The following TECPR1 variants were observed in gnomAD, a reference collection of about 807,000 sequenced individuals.
The protein encoded by TECPR1 is tectonin beta-propeller repeat-containing protein 1.
Under a neutral mutation model 162.4 loss-of-function variants are expected in TECPR1, and 122 were observed. The observed-to-expected ratio is 0.75, with a 90% CI of 0.65 to 0.87. The LOEUF (loss-of-function observed/expected upper bound fraction) is 0.87. Among genes scored for constraint, TECPR1 ranks in the 40% least tolerant of loss-of-function variants. The probability of loss-of-function intolerance (pLI) is 0.00; values close to 1 mark genes in which losing one functional copy is unlikely to be tolerated. For missense variants in TECPR1, 1,432 were observed against 1,618.2 expected (o/e 0.88, Z 1.97); for synonymous variants, 642 against 670.6 (o/e 0.96, Z 0.66).
chr7:98,240,830 C>A, intron 8 of TECPR1, 21 bp downstream of exon 8: 2 of 1,576,284 alleles, frequency 1.3e-6, no homozygotes, highest in East Asian at 4.6e-5. Context: ...AAGTGATCCC[C>A]CAGCCTCATC....
chr7:98,238,144 G>C (rs1798646514), intron 9 of TECPR1, among the ~76,000 whole-genome samples: 1 of 152,146 alleles, frequency 6.6e-6, no homozygotes, highest in Admixed American at 6.5e-5. Context: ...AAAGGTTTCT[G>C]GGTAGGCATC....
intron 17 of TECPR1, among the ~76,000 whole-genome samples, chr7:98,225,525 G>C (rs113307155): frequency 0.01 from 1,457 of 145,496 alleles, 16 homozygotes; most frequent in African/African-American, 0.03. Context: ...CCTGGCGACA[G>C]AGCAAGACTT....
intron 6 of TECPR1, 118 bp downstream of exon 6, chr7:98,243,349 G>A (rs1798818068): frequency 5.0e-6 from 7 of 1,392,702 alleles, no homozygotes; most frequent in South Asian, 1.4e-5. Flanking sequence ...GCCAGGAGCA[G>A]GCATGGGGTG....
At chr7:98,230,605 G>C (rs1286855482) in intron 15 of TECPR1, among the ~76,000 whole-genome samples, 1 of 152,202 alleles carries the variant, frequency 6.6e-6, no homozygotes, top group Non-Finnish European at 1.5e-5. Context: ...AGGCGGCTGA[G>C]CACCGGGTCT....
intron 8 of TECPR1, among the ~76,000 whole-genome samples, chr7:98,239,034 T>C (rs1798677172): frequency 6.6e-6 from 1 of 152,268 alleles, no homozygotes; most frequent in African/African-American, 2.4e-5. Flanking sequence ...CTATTCTTAG[T>C]ACTTCAAGAA....
chr7:98,224,671 G>C (rs1377823477), intron 19 of TECPR1, 130 bp downstream of exon 19: 1 of 875,046 alleles, frequency 1.1e-6, no homozygotes, highest in African/African-American at 1.7e-5. Flanking sequence ...GCTGGCACCA[G>C]GGGTCTGCTC....
rs1584333487 is a variant in TECPR1, at chr7:98,229,561, G to A, written c.2283-395C>T. On this transcript the variant is annotated intron_variant, in intron 15 of 25. Transcript: ENST00000447648. ...GGTGCAGCCAGGCTTGAATGTCACA[G>A]AGCAGAGCCGGACATGACATCTAAT... 2.6e-5 allele frequency among the ~76,000 whole-genome samples: 4 copies of A among 152,330 alleles called. No homozygotes were observed. The South Asian group carries it at 8.3e-4, about 32-fold the overall frequency.
intron 16 of TECPR1, chr7:98,228,538 C>A (rs1250009884): frequency 4.3e-6 from 1 of 230,692 alleles, no homozygotes; most frequent in Admixed American, 4.8e-5. Flanking sequence ...TCATTCCTGC[C>A]TCACACACAG....
At position 98,215,803 on chromosome 7, in the gene TECPR1, T is replaced by A. The variant is rs542621460; in HGVS notation, c.*1587A>T. 1.1e-4 allele frequency: 17 copies of A among 152,352 alleles called. No homozygotes were observed. The highest frequency in any genetic ancestry group is 3.8e-4 in the African/African-American group (16 of 41,582). The allele number at this position is 152,352 out of a possible 1,614,324, so 9.4% of individuals were successfully genotyped here. A position where few individuals can be genotyped will look rare whatever the true frequency, so the allele number is the denominator to read the frequency against. ...ACCACCGCCAGGCCCTTCCCGTGATTGATCTGAGAGCTTCACAGCCGGCGG... is the reference window on the plus strand; with the variant it reads ...ACCACCGCCAGGCCCTTCCCGTGATAGATCTGAGAGCTTCACAGCCGGCGG... On this transcript the variant is annotated 3_prime_UTR_variant, in exon 26 of 26. Transcript: ENST00000447648.
chr7:98,229,067 T>G lies in TECPR1; in HGVS notation c.2382A>C (p.Thr794=). Residue 794 remains threonine, a synonymous_variant, in exon 16 of 26, where the codon ACA becomes ACC. Transcript: ENST00000447648. ...GGAAGCAGCCGCCTCCATAGCCGCCTGTGTATACCCAGGCCGTGTGGTCAT... is the reference window on the plus strand; with the variant it reads ...GGAAGCAGCCGCCTCCATAGCCGCCGGTGTATACCCAGGCCGTGTGGTCAT... ...IGYDHTAWVY[T]GGYGGGCFQG... The G allele has an allele frequency of 1.3e-6, 2 of 1,595,438 alleles. No individual in the cohort carries two copies. The highest frequency in any genetic ancestry group is 1.7e-6 in the Non-Finnish European group (2 of 1,171,528).
At chr7:98,223,773 G>A (rs1238798584) in intron 19 of TECPR1, 55 bp from the exon 20 acceptor site, 18 of 1,581,336 alleles carry the variant, frequency 1.1e-5, no homozygotes, top group Non-Finnish European at 1.6e-5. Flanking sequence ...TTCTGGAAAG[G>A]GACCGTGCAT....
intron 19 of TECPR1, 168 bp from the exon 20 acceptor site, chr7:98,223,886 G>T (rs1264362462): frequency 4.5e-6 from 3 of 663,178 alleles, no homozygotes; most frequent in African/African-American, 1.8e-5. Context: ...CTCAGGAGGC[G>T]CTTCCTGGCT....
intron 10 of TECPR1, among the ~76,000 whole-genome samples, chr7:98,234,883 T>A (rs1055178213): frequency 7.9e-5 from 12 of 152,010 alleles, no homozygotes; most frequent in South Asian, 2.1e-4. Flanking sequence ...GATAATTTTT[T>A]AAAAAATTCT....
intron 10 of TECPR1, among the ~76,000 whole-genome samples, chr7:98,235,851 A>AAAAAAAAAAAAAAAAAAAAAAACAACAC (rs1554401451): frequency 6.8e-6 from 1 of 147,356 alleles, no homozygotes; most frequent in African/African-American, 2.5e-5. Context: ...AAAAAAAAAA[A>AAAAAAAAAAAAAAAAAAAAAAACAACAC]CACCATCTGA....
rs972610362 is a variant in TECPR1 at position 98,218,115 on chromosome 7, G to A, written c.3158-73C>T. 3.0e-5 allele frequency: 39 copies of A among 1,288,010 alleles called. No homozygotes were observed. The Admixed American group carries it at 3.1e-4, about 10-fold the overall frequency. The allele number at this position is 1,288,010 out of a possible 1,614,324, so 79.8% of individuals were successfully genotyped here. A position where few individuals can be genotyped will look rare whatever the true frequency, so the allele number is the denominator to read the frequency against. On this transcript the variant is annotated intron_variant, in intron 23 of 25. Transcript: ENST00000447648. Reference sequence around the variant, plus strand: ...CTCCTGCCCGTGCGGCCCGGCAGCCGGTGGCCAGGCCCCGCTCTAACCACT... The same window carrying A: ...CTCCTGCCCGTGCGGCCCGGCAGCCAGTGGCCAGGCCCCGCTCTAACCACT...
At position 98,215,720 on chromosome 7, in the gene TECPR1, C is replaced by G. The variant is rs1797990066; in HGVS notation, c.*1670G>C. The G allele has an allele frequency of 6.6e-6, 1 of 152,230 alleles. No homozygotes were observed. Among genetic ancestry groups the G allele is most frequent in the East Asian group, 1.9e-4 (1 of 5,206 alleles). 9.4% of individuals were successfully genotyped at this position (152,230 alleles called of 1,614,324 possible). Reference sequence around the variant, plus strand: ...GTTGTAGGGGAACAAATCGTAATGCCCAGAGAAAACCTGATAGTGAAATGT... The same window carrying G: ...GTTGTAGGGGAACAAATCGTAATGCGCAGAGAAAACCTGATAGTGAAATGT... On this transcript the variant is annotated 3_prime_UTR_variant, in exon 26 of 26. Transcript: ENST00000447648.
In TECPR1 at chr7:98,224,831, T is replaced by G; in HGVS notation, c.2660A>C (p.Glu887Ala). Reference protein sequence around the residue: ...DFSVPGGTDQEGWQYASDFPA... With the variant: ...DFSVPGGTDQAGWQYASDFPA... Reference sequence around the variant, plus strand: ...GAAGTCGCTGGCATACTGCCACCCCTCCTGGTCCGTGCCCCCCGGAACGCT... The same window carrying G: ...GAAGTCGCTGGCATACTGCCACCCCGCCTGGTCCGTGCCCCCCGGAACGCT... Residue 887 changes from glutamate (E) to alanine (A), a missense_variant, in exon 19 of 26, where the codon GAG (glutamate) becomes GCG (alanine). Coordinates refer to ENST00000447648, the MANE Select transcript of TECPR1 (RefSeq NM_015395.3). 1 of 1,580,738 alleles carries G rather than the reference T, an allele frequency of 6.3e-7. No homozygotes were observed. The highest frequency in any genetic ancestry group is 8.6e-7 in the Non-Finnish European group (1 of 1,164,186).
At position 98,233,612 on chromosome 7, in the gene TECPR1, T is replaced by G; in HGVS notation, c.1481A>C (p.Glu494Ala). 10 of 1,586,268 alleles carry G rather than the reference T, an allele frequency of 6.3e-6. No homozygotes were observed. Among genetic ancestry groups the G allele is most frequent in the Non-Finnish European group, 8.6e-6 (10 of 1,167,890 alleles). ...ELPWTNIDLK[E>A]AKKVPSHSAA... ...CGAGTGGCTGGGCACTTTCTTGGCC[T>G]CCTTGAGGTCAATATTGGTCCAGGG... Residue 494 changes from glutamate to alanine, a missense_variant, in exon 11 of 26, where the codon GAG becomes GCG. Glu to Ala is a moderately radical substitution (Grantham distance 107). Transcript: ENST00000447648.
At chr7:98,222,601 G>T in intron 21 of TECPR1, 80 bp from the exon 22 acceptor site, 2 of 1,498,670 alleles carry the variant, frequency 1.3e-6, no homozygotes, top group Non-Finnish European at 1.8e-6. Flanking sequence ...GCAGAAATGG[G>T]CCTAGCGCGT....
Sources: gnomAD v4.1 joint callset for allele counts (sites outside exome capture counted in the v4.1 genomes callset) on GRCh38, gnomAD v4.1.1 for gene constraint, MANE v1.5 for transcripts, NCBI Gene and HGNC (gene_info 2026-07-23, HGNC 2026-07-21) for gene names.